Variants in XRCC5 observed in about 807,000 individuals in gnomAD.
XRCC5 encodes the protein DNA repair protein Ku80.
A neutral mutation model predicts 95.7 loss-of-function variants in XRCC5; 12 were observed. The ratio of observed to expected loss-of-function variants is 0.13; its 90% CI spans 0.08 to 0.20. The LOEUF (loss-of-function observed/expected upper bound fraction) is 0.20. Among genes scored for constraint, XRCC5 ranks in the 10% least tolerant of loss-of-function variants. The pLI is 1.00. For synonymous variants in XRCC5, 281 were observed against 290.3 expected (o/e 0.97, Z 0.33); for missense variants, 595 against 873.9 (o/e 0.68, Z 4.02).
intron 13 of XRCC5, among the ~76,000 whole-genome samples, chr2:216,147,769 A>G (rs1191869366): frequency 6.6e-6 from 1 of 152,202 alleles, no homozygotes; most frequent in African/African-American, 2.4e-5. Context: ...AGAATCAGGT[A>G]TTTTAGGGAA....
intron 9 of XRCC5, among the ~76,000 whole-genome samples, chr2:216,131,846 C>T (rs986551658): frequency 6.6e-6 from 1 of 152,220 alleles, no homozygotes; most frequent in African/African-American, 2.4e-5. Context: ...CATGCTTTTA[C>T]AGCACTCCAG....
At chr2:216,194,270 T>C (rs1257749222) in intron 18 of XRCC5, among the ~76,000 whole-genome samples, 1 of 152,244 alleles carries the variant, frequency 6.6e-6, no homozygotes, top group Non-Finnish European at 1.5e-5. Context: ...TTTAAGTACC[T>C]ACTTTTGTTT....
rs534522040 is a variant in XRCC5, at chr2:216,116,922, C to T, written c.319+80C>T. On this transcript the variant is annotated intron_variant, in intron 3 of 20. Coordinates refer to ENST00000392132, the MANE Select transcript of XRCC5 (RefSeq NM_021141.4). ...GTACAGCAGTTTGATGAGACACCCC[C>T]AGAGTTTCAGCTATGAGTATATGGG... 8.1e-4 allele frequency: 1,213 copies of T among 1,488,920 alleles called. 2 individuals carry two copies. The highest frequency in any genetic ancestry group is 1.3e-3 in the Admixed American group (75 of 56,368). 92.2% of individuals were successfully genotyped at this position (1,488,920 alleles called of 1,614,324 possible). A position where few individuals can be genotyped will look rare whatever the true frequency, so the allele number is the denominator to read the frequency against.
At chr2:216,194,834 A>T in intron 18 of XRCC5, 85 bp from the exon 19 acceptor site, 1 of 1,208,698 alleles carries the variant, frequency 8.3e-7, no homozygotes, top group Non-Finnish European at 1.2e-6. Context: ...TTCAGCTCAA[A>T]GGTGGGAGGA....
At chr2:216,143,711 T>A (rs962328124) in intron 13 of XRCC5, among the ~76,000 whole-genome samples, 3 of 151,940 alleles carry the variant, frequency 2.0e-5, no homozygotes, top group East Asian at 3.9e-4. Flanking sequence ...CTTTTTTTTT[T>A]TTTATTTTTA....
intron 1 of XRCC5, among the ~76,000 whole-genome samples, chr2:216,110,835 G>C (rs1407918064): frequency 6.6e-6 from 1 of 152,008 alleles, no homozygotes; most frequent in African/African-American, 2.4e-5. Flanking sequence ...CCCAGGCATT[G>C]AAACTGGGAT....
At chr2:216,180,873 C>T (rs1156235704) in intron 16 of XRCC5, among the ~76,000 whole-genome samples, 5 of 149,746 alleles carry the variant, frequency 3.3e-5, no homozygotes, top group African/African-American at 1.2e-4. Flanking sequence ...AGTGCAATGG[C>T]GCGATCTCGG....
Position 216,204,387 on chromosome 2 carries a change from G to C in XRCC5, c.2175G>C (p.Val725=), listed in dbSNP as rs1689902742. ...CTGTATTTGAAGAAGGTGGTGATGT[G>C]GACGATTTAGTAAGTACTTTTAATA... is the stretch of plus-strand genomic sequence containing the variant. ...TAAVFEEGGD[V]DDLLDMI is the part of the protein sequence containing the mutation. The change falls in exon 20 of 21, where the codon GTG becomes GTC. Residue 725 remains valine (V), a synonymous_variant. Transcript: ENST00000392132. 6.2e-7 allele frequency: 1 copy of C among 1,613,772 alleles called. No homozygotes were observed. Among genetic ancestry groups the C allele is most frequent in the Non-Finnish European group, 8.5e-7 (1 of 1,179,832 alleles).
chr2:216,116,368 A>G (rs1018264918), intron 2 of XRCC5, among the ~76,000 whole-genome samples: 10 of 152,118 alleles, frequency 6.6e-5, no homozygotes, highest in Admixed American at 1.3e-4. Flanking sequence ...TCTCATTGAG[A>G]ATTAGAGTTT....
At chr2:216,195,943 G>C (rs985478501) in intron 19 of XRCC5, among the ~76,000 whole-genome samples, 5 of 152,092 alleles carry the variant, frequency 3.3e-5, no homozygotes, top group African/African-American at 1.2e-4. Flanking sequence ...TAGAAGCTCG[G>C]GCAGTTAAAA....
chr2:216,113,535 G>C (rs921516854), intron 2 of XRCC5, among the ~76,000 whole-genome samples: 9 of 152,150 alleles, frequency 5.9e-5, no homozygotes, highest in African/African-American at 2.2e-4. Flanking sequence ...CCAAAATGTA[G>C]TGTCTCAAGT....
intron 17 of XRCC5, among the ~76,000 whole-genome samples, chr2:216,190,663 A>G (rs1046946958): frequency 2.6e-5 from 4 of 152,160 alleles, no homozygotes; most frequent in Non-Finnish European, 4.4e-5. Flanking sequence ...TCACTATTGT[A>G]AAGGATGGGC....
At chr2:216,202,823 T>C (rs1382138818) in intron 19 of XRCC5, among the ~76,000 whole-genome samples, 2 of 152,238 alleles carry the variant, frequency 1.3e-5, no homozygotes, top group Admixed American at 6.5e-5. Context: ...ACAAAGGCAC[T>C]GCACCTTAAG....
intron 16 of XRCC5, chr2:216,175,660 G>GCT: frequency 4.8e-6 from 2 of 415,794 alleles, no homozygotes; most frequent in Non-Finnish European, 9.2e-6. Flanking sequence ...TTCACTGTTA[G>GCT]GTGGGCACCA....
intron 2 of XRCC5, among the ~76,000 whole-genome samples, chr2:216,116,011 C>G (rs1035431600): frequency 6.6e-6 from 1 of 152,294 alleles, no homozygotes; most frequent in African/African-American, 2.4e-5. Context: ...AATTCTGCAG[C>G]ATATCTTTTA....
intron 2 of XRCC5, 55 bp from the exon 3 acceptor site, chr2:216,116,604 T>C (rs756570234): frequency 1.2e-6 from 2 of 1,606,822 alleles, no homozygotes; most frequent in Non-Finnish European, 1.7e-6. Flanking sequence ...TTAGGTATTT[T>C]ATTGCTTCCA....
chr2:216,181,248 T>C (rs953003994), intron 16 of XRCC5, among the ~76,000 whole-genome samples: 10 of 152,214 alleles, frequency 6.6e-5, no homozygotes, highest in African/African-American at 2.4e-4. Flanking sequence ...TTTCATTATT[T>C]TATCATTGGA....
chr2:216,169,916 G>GT (rs985112205), intron 16 of XRCC5, among the ~76,000 whole-genome samples: 12 of 150,984 alleles, frequency 7.9e-5, no homozygotes, highest in African/African-American at 2.2e-4. Context: ...GTGCGCACCT[G>GT]TAGTCTCAGC....
chr2:216,126,719 A>G (rs1696904915), intron 7 of XRCC5, among the ~76,000 whole-genome samples: 1 of 152,154 alleles, frequency 6.6e-6, no homozygotes, highest in African/African-American at 2.4e-5. Flanking sequence ...TTTTCTTTGT[A>G]TATTAAAGAA....
Sources: gnomAD v4.1 joint callset for allele counts (sites outside exome capture counted in the v4.1 genomes callset) on GRCh38, gnomAD v4.1.1 for gene constraint, MANE v1.5 for transcripts, NCBI Gene and HGNC (gene_info 2026-07-23, HGNC 2026-07-21) for gene names.